The following CNTNAP3 variants were observed in gnomAD, a reference collection of about 807,000 sequenced individuals.
CNTNAP3 encodes contactin-associated protein-like 3.
A neutral mutation model predicts 92.1 loss-of-function variants in CNTNAP3; 36 were observed. The ratio of observed to expected loss-of-function variants is 0.39; its 90% CI spans 0.30 to 0.52. The LOEUF is 0.52. Ranked by LOEUF, CNTNAP3 falls within the 20% of genes least tolerant of loss-of-function variation. The pLI is 0.76. For synonymous variants in CNTNAP3, 232 were observed against 422.3 expected, an observed-to-expected ratio of 0.55 and a Z score of 5.53; for missense variants, 534 against 1,069.6, an observed-to-expected ratio of 0.50 and a Z score of 6.98.
At chr9:39,127,478 T>A (rs3119731) in intron 13 of CNTNAP3, among the ~76,000 whole-genome samples, 1 of 151,966 alleles carries the variant, frequency 6.6e-6, no homozygotes, top group Non-Finnish European at 1.5e-5. Flanking sequence ...AAATCATGAA[T>A]CGAAAATCTA....
rs895915641 is a variant in CNTNAP3 at position 39,066,065 on chromosome 9, A to G, written c.*7825T>C. On this transcript the variant is annotated 3_prime_UTR_variant, in exon 24 of 24. Transcript: ENST00000297668. ...TCATCTTTTTTGTCTACTTTCAAGC[A>G]TTTAAAAATTTATTCTATTTCATCG... is the stretch of plus-strand genomic sequence containing the variant. 6.6e-6 allele frequency among the ~76,000 whole-genome samples: 1 copy of G among 152,220 alleles called. No individual in the cohort carries two copies. Among genetic ancestry groups the G allele is most frequent in the Non-Finnish European group, 1.5e-5 (1 of 68,038 alleles).
Position 39,073,787 on chromosome 9 carries a change from A to T in CNTNAP3, c.*103T>A, listed in dbSNP as rs1825681644. The stretch of plus-strand genomic sequence containing the variant: ...TGATGGCAACAGCAGGGAAGTCCAC[A>T]GTCACGATGATAGAGACAGCCACAG... On this transcript the variant is annotated 3_prime_UTR_variant, in exon 24 of 24. Coordinates refer to ENST00000297668, the MANE Select transcript of CNTNAP3 (RefSeq NM_033655.5). The T allele has an allele frequency of 6.3e-7, 1 of 1,596,446 alleles. No homozygotes were observed. Among genetic ancestry groups the T allele is most frequent in the Admixed American group, 1.7e-5 (1 of 60,018 alleles).
intron 13 of CNTNAP3, among the ~76,000 whole-genome samples, chr9:39,125,416 G>T (rs1821132537): frequency 6.6e-6 from 1 of 152,118 alleles, no homozygotes; most frequent in Non-Finnish European, 1.5e-5. Flanking sequence ...TAAATGATGA[G>T]TTAATGGGTG....
intron 11 of CNTNAP3, among the ~76,000 whole-genome samples, chr9:39,143,269 T>C (rs1332606414): frequency 9.9e-5 from 15 of 151,606 alleles, no homozygotes; most frequent in Admixed American, 6.6e-5. Flanking sequence ...TTCTTACACT[T>C]AAATGTCTAC....
intron 14 of CNTNAP3, 48 bp from the exon 15 acceptor site, chr9:39,109,335 G>A (rs368859189): frequency 2.8e-5 from 45 of 1,603,734 alleles, no homozygotes; most frequent in African/African-American, 1.7e-4. Context: ...ATTAACATAC[G>A]GGCAAAATTA....
In CNTNAP3 at chr9:39,069,791, G is replaced by A. The variant is rs1825599971; in HGVS notation, c.*4099C>T. Among the ~76,000 whole-genome samples, 2 of 152,302 alleles carry A rather than the reference G, an allele frequency of 1.3e-5. No homozygotes were observed. Among genetic ancestry groups the A allele is most frequent in the Non-Finnish European group, 2.9e-5 (2 of 68,058 alleles). On this transcript the variant is annotated 3_prime_UTR_variant, in exon 24 of 24. Transcript: ENST00000297668. The stretch of plus-strand genomic sequence containing the variant: ...TGACAACACATCAGCAATGAACTTA[G>A]CCTGAGCTACATCCATTGGGAGTGA...
At position 39,139,739 on chromosome 9, in the gene CNTNAP3, C is replaced by CTT. The variant is rs1390715488; in HGVS notation, c.1876+778_1876+779dup. The CTT allele has an allele frequency of 2.8e-5, 4 of 143,256 alleles. No individual in the cohort carries two copies. The East Asian group carries it at 8.5e-4, about 31-fold the overall frequency. 8.9% of individuals were successfully genotyped at this position (143,256 alleles called of 1,614,324 possible). A position where few individuals can be genotyped will look rare whatever the true frequency, so the allele number is the denominator to read the frequency against. ...TTCTATAATCAAGCTGTGTTCATTT[C>CTT]TTTTTTTCCTTTTTTTTTTTTTTTG... is the stretch of plus-strand genomic sequence containing the variant. On this transcript the variant is annotated intron_variant, in intron 12 of 23. Coordinates refer to ENST00000297668, the MANE Select transcript of CNTNAP3 (RefSeq NM_033655.5).
intron 18 of CNTNAP3, among the ~76,000 whole-genome samples, chr9:39,091,622 ATCTATCTACT>A (rs1826204122): frequency 6.6e-6 from 1 of 151,888 alleles, no homozygotes; most frequent in Non-Finnish European, 1.5e-5. Flanking sequence ...GGGTTTTCAC[ATCTATCTACT>A]TAAATGATAT....
At chr9:39,098,536 A>G (rs1259949810) in intron 18 of CNTNAP3, among the ~76,000 whole-genome samples, 1 of 152,178 alleles carries the variant, frequency 6.6e-6, no homozygotes, top group East Asian at 1.9e-4. Context: ...GGGTTATAAA[A>G]TAACATTCAA....
At position 39,072,407 on chromosome 9, in the gene CNTNAP3, T is replaced by C. The variant is rs1178560914; in HGVS notation, c.*1483A>G. Among the ~76,000 whole-genome samples, 3 of 148,654 alleles carry C rather than the reference T, an allele frequency of 2.0e-5. No individual in the cohort carries two copies. The East Asian group carries it at 5.9e-4, about 29-fold the overall frequency. Reference sequence around the variant, plus strand: ...CATCATTGCTTTTATGTAATTGGTTTATTGAATCCAAATGGTGGTTCCATG... The same window carrying C: ...CATCATTGCTTTTATGTAATTGGTTCATTGAATCCAAATGGTGGTTCCATG... On this transcript the variant is annotated 3_prime_UTR_variant, in exon 24 of 24. Transcript: ENST00000297668.
intron 3 of CNTNAP3, among the ~76,000 whole-genome samples, chr9:39,225,642 G>T (rs908455864): frequency 0.014 from 392 of 28,808 alleles, 43 homozygotes; most frequent in African/African-American, 0.02. Context: ...TGCTTGGATT[G>T]AATCTGATTA....
At chr9:39,113,824 T>C (rs1820776651) in intron 14 of CNTNAP3, among the ~76,000 whole-genome samples, 1 of 151,230 alleles carries the variant, frequency 6.6e-6, no homozygotes, top group South Asian at 2.1e-4. Flanking sequence ...AAACGATATA[T>C]GGCTGCTATA....
intron 13 of CNTNAP3, among the ~76,000 whole-genome samples, chr9:39,122,932 T>C (rs1587719221): frequency 6.6e-6 from 1 of 152,004 alleles, no homozygotes. Flanking sequence ...AAGTAAAAAT[T>C]GTAGAGTGTC....
chr9:39,129,153 T>G (rs1274987461), intron 13 of CNTNAP3, among the ~76,000 whole-genome samples: 1 of 152,146 alleles, frequency 6.6e-6, no homozygotes, highest in Non-Finnish European at 1.5e-5. Flanking sequence ...ATTACAAAAT[T>G]TATACAGAAT....
intron 13 of CNTNAP3, among the ~76,000 whole-genome samples, chr9:39,126,727 A>T (rs544909223): frequency 3.4e-4 from 52 of 151,950 alleles, no homozygotes; most frequent in African/African-American, 1.2e-3. Flanking sequence ...TAAACTTAAA[A>T]TTGCTAAAAA....
chr9:39,111,794 GA>G (rs1283295360), intron 14 of CNTNAP3, among the ~76,000 whole-genome samples: 1 of 152,084 alleles, frequency 6.6e-6, no homozygotes, highest in African/African-American at 2.4e-5. Flanking sequence ...AAAATATTGA[GA>G]ATGTGTAAAT....
In CNTNAP3 at chr9:39,100,847, C is replaced by T. The variant is rs555882740; in HGVS notation, c.2756-697G>A. Among the ~76,000 whole-genome samples the T allele has an allele frequency of 7.0e-3, 1,030 of 147,780 alleles. 15 individuals are homozygous for T. The highest frequency in any genetic ancestry group is 0.024 in the African/African-American group (971 of 40,376). ...GTAGTGACAAACACCATTATGAAGG[C>T]GACAATTCTCAATGTTAGGAGCATG... On this transcript the variant is annotated intron_variant, in intron 17 of 23. Coordinates refer to ENST00000297668, the MANE Select transcript of CNTNAP3 (RefSeq NM_033655.5).
intron 21 of CNTNAP3, among the ~76,000 whole-genome samples, chr9:39,079,985 T>G (rs573188647): frequency 7.6e-6 from 1 of 130,970 alleles, no homozygotes; most frequent in African/African-American, 3.2e-5. Flanking sequence ...TTTACTCTTC[T>G]TTGGTTTTAC....
chr9:39,148,723 C>T (rs1216013460), intron 10 of CNTNAP3, among the ~76,000 whole-genome samples: 1 of 152,098 alleles, frequency 6.6e-6, no homozygotes, highest in African/African-American at 2.4e-5. Context: ...GACGGGGTTT[C>T]ACCATGTTAG....
Sources: allele counts gnomAD v4.1 joint callset (sites outside exome capture counted in the v4.1 genomes callset), GRCh38; gene constraint gnomAD v4.1.1; transcripts MANE v1.5; gene names NCBI Gene and HGNC (gene_info 2026-07-23, HGNC 2026-07-21).